Variants in KIF5B observed in about 807,000 individuals in gnomAD.
KIF5B encodes kinesin family member 5B.
Under a neutral mutation model 132.8 loss-of-function variants are expected in KIF5B, and 49 were observed. That is an observed-to-expected ratio of 0.37 (90% CI 0.29 to 0.47). KIF5B has a LOEUF of 0.47. Among genes scored for constraint, KIF5B ranks in the 20% least tolerant of loss-of-function variants. The pLI, the probability that KIF5B is intolerant of heterozygous loss-of-function variation, is 1.00. For synonymous variants in KIF5B, 355 were observed against 369.4 expected (o/e 0.96, Z 0.45); for missense variants, 780 against 1,144.0 (o/e 0.68, Z 4.59).
rs1169502375 is a variant in KIF5B at position 32,019,914 on chromosome 10, T to C, written c.2250A>G (p.Glu750=). 1.9e-6 allele frequency: 3 copies of C among 1,612,732 alleles called. No homozygotes were observed. In the South Asian group the frequency reaches 3.3e-5, roughly 18 times the overall value. ...GATCTGTGGCTTTCAACTTCTCATG[T>C]TCTACTCTTAGACGTTCCTGCTCTA... The part of the protein sequence containing the change: ...MMLEQERLRV[E]HEKLKATDQE... Residue 750 remains glutamate, a synonymous_variant, in exon 20 of 26, where the codon GAA becomes GAG. Coordinates refer to ENST00000302418, the MANE Select transcript of KIF5B (RefSeq NM_004521.3).
rs1217348512 is a variant in KIF5B at position 32,056,204 on chromosome 10, GGCGGCA to G, written c.-237_-232del. 11 of 506,248 alleles carry G rather than the reference GGCGGCA, an allele frequency of 2.2e-5. No homozygotes were observed. The highest frequency in any genetic ancestry group is 4.1e-5 in the African/African-American group (2 of 48,232). 31.4% of individuals were successfully genotyped at this position (506,248 alleles called of 1,614,324 possible). On this transcript the variant is annotated 5_prime_UTR_variant, in exon 1 of 26. Coordinates refer to ENST00000302418, the MANE Select transcript of KIF5B (RefSeq NM_004521.3). ...TCCGATCCATCATGGCAGCCATGGC[GGCGGCA>G]GCGGCGGCGGCACCGGGGAGAGCGT...
At chr10:32,025,288 CAT>C (rs1592442592) in intron 15 of KIF5B, among the ~76,000 whole-genome samples, 1 of 152,214 alleles carries the variant, frequency 6.6e-6, no homozygotes, top group Admixed American at 6.5e-5. Flanking sequence ...ACAAAGCTAA[CAT>C]AGTCATAACG....
In KIF5B at chr10:32,021,234, C is replaced by T. The variant is rs780065320; in HGVS notation, c.2086G>A (p.Glu696Lys). 6.2e-7 allele frequency: 1 copy of T among 1,612,986 alleles called. No individual in the cohort carries two copies. Among genetic ancestry groups the T allele is most frequent in the South Asian group, 1.1e-5 (1 of 91,032 alleles). Residue 696 changes from glutamate to lysine, a missense_variant, in exon 18 of 26, where the codon GAA becomes AAA. By Grantham distance (56) the Glu-to-Lys change is moderately conservative (BLOSUM62 1). Coordinates refer to ENST00000302418, the MANE Select transcript of KIF5B (RefSeq NM_004521.3). ...TGTGACATCAAACTTGCCTTAACTT[C>T]ATTTGCAGTCTGAACCTTATTTAAG... The part of the protein sequence containing the change: ...EHLNKVQTAN[E>K]VKQAVEQQIQ...
chr10:32,030,515 CAA>C (rs36044885), intron 14 of KIF5B, among the ~76,000 whole-genome samples: 26 of 122,472 alleles, frequency 2.1e-4, no homozygotes, highest in South Asian at 2.6e-4. Context: ...AACTTTGTCT[CAA>C]AAAAAAAAAA....
chr10:32,037,741 G>A (rs939895914), intron 6 of KIF5B, 134 bp from the exon 7 acceptor site: 8 of 641,544 alleles, frequency 1.2e-5, no homozygotes, highest in Admixed American at 2.7e-5. Context: ...GCTGAGGCAG[G>A]AGAATCGCTT....
chr10:32,014,162 C>G (rs1841124714), intron 25 of KIF5B, among the ~76,000 whole-genome samples: 1 of 152,132 alleles, frequency 6.6e-6, no homozygotes, highest in African/African-American at 2.4e-5. Flanking sequence ...AATTATTAGG[C>G]AACCACTAAC....
intron 1 of KIF5B, among the ~76,000 whole-genome samples, chr10:32,055,123 A>G (rs1266581711): frequency 6.6e-6 from 1 of 152,168 alleles, no homozygotes; most frequent in Non-Finnish European, 1.5e-5. Flanking sequence ...CGGAGCACTT[A>G]TCTGACCCAA....
Position 32,024,303 on chromosome 10 carries a change from C to T in KIF5B, c.1726-1267G>A, listed in dbSNP as rs565912368. Among the ~76,000 whole-genome samples, 53 of 145,358 alleles carry T rather than the reference C, an allele frequency of 3.6e-4. No homozygotes were observed. In the East Asian group the frequency reaches 1.0e-2, roughly 27 times the overall value. On this transcript the variant is annotated intron_variant, in intron 15 of 25. Coordinates refer to ENST00000302418, the MANE Select transcript of KIF5B (RefSeq NM_004521.3). The stretch of plus-strand genomic sequence containing the variant: ...CCAAGTAGCTGGGACTACAGGCGCC[C>T]GCCACTACGCCCGGCTAATTTTTTG...
At chr10:32,030,663 TG>T (rs1257934791) in intron 14 of KIF5B, among the ~76,000 whole-genome samples, 3 of 152,256 alleles carry the variant, frequency 2.0e-5, no homozygotes, top group African/African-American at 7.2e-5. Flanking sequence ...AATTCACAGT[TG>T]ATTAAATAGC....
intron 13 of KIF5B, 113 bp from the exon 14 acceptor site, chr10:32,031,392 G>A (rs1263370940): frequency 1.3e-6 from 1 of 753,336 alleles, no homozygotes; most frequent in Non-Finnish European, 2.2e-6. Context: ...ATGGTATTCA[G>A]TGTGGCAACA....
At chr10:32,024,146 C>CCTTTTTTT (rs1554800857) in intron 15 of KIF5B, among the ~76,000 whole-genome samples, 2 of 69,740 alleles carry the variant, frequency 2.9e-5, no homozygotes, top group Admixed American at 2.1e-4. Flanking sequence ...ATGAAGAACT[C>CCTTTTTTT]TTTTTTTTTT....
intron 8 of KIF5B, among the ~76,000 whole-genome samples, chr10:32,036,705 C>T (rs1026543112): frequency 6.6e-6 from 1 of 152,114 alleles, no homozygotes; most frequent in Non-Finnish European, 1.5e-5. Flanking sequence ...CAGAGTAGAA[C>T]GGAATAGATA....
intron 17 of KIF5B, 31 bp from the exon 18 acceptor site, chr10:32,021,318 A>C: frequency 6.6e-7 from 1 of 1,508,914 alleles, no homozygotes; most frequent in Non-Finnish European, 9.2e-7. Context: ...TAGAAGAGTG[A>C]AATAAGCCTT....
chr10:32,028,673 C>A, intron 14 of KIF5B, 102 bp from the exon 15 acceptor site: 2 of 961,646 alleles, frequency 2.1e-6, no homozygotes, highest in East Asian at 2.5e-5. Context: ...CCTTACGAAA[C>A]CATGTCTTTT....
chr10:32,021,986 A>C (rs1021210037), intron 17 of KIF5B, among the ~76,000 whole-genome samples, 154 bp downstream of exon 17: 7 of 152,182 alleles, frequency 4.6e-5, no homozygotes, highest in African/African-American at 9.7e-5. Context: ...ACAACAACAA[A>C]AAAATGTTTC....
At chr10:32,034,899 T>C (rs1322028495) in intron 10 of KIF5B, 61 bp from the exon 11 acceptor site, 3 of 1,272,046 alleles carry the variant, frequency 2.4e-6, no homozygotes, top group African/African-American at 3.1e-5. Context: ...ATTTTATCTA[T>C]ATGGAATATA....
At chr10:32,039,264 C>T in intron 4 of KIF5B, 63 bp downstream of exon 4, 1 of 643,416 alleles carries the variant, frequency 1.6e-6, no homozygotes, top group South Asian at 2.1e-5. Flanking sequence ...CCAGCATTTA[C>T]TATTTTTTTA....
intron 1 of KIF5B, among the ~76,000 whole-genome samples, chr10:32,049,521 G>C (rs982731009): frequency 6.6e-6 from 1 of 152,164 alleles, no homozygotes; most frequent in Non-Finnish European, 1.5e-5. Flanking sequence ...AAGGCAGAAA[G>C]AACAGTGTAG....
At position 32,054,848 on chromosome 10, in the gene KIF5B, T is replaced by C. The variant is rs551354897; in HGVS notation, c.126+1000A>G. ...ATCAGACCTTTAAAAACCCTCACAT[T>C]CTGGTCTCACTGATAATGATCACTC... On this transcript the variant is annotated intron_variant, in intron 1 of 25. Coordinates refer to ENST00000302418, the MANE Select transcript of KIF5B (RefSeq NM_004521.3). Among the ~76,000 whole-genome samples, 3 of 152,286 alleles carry C rather than the reference T, an allele frequency of 2.0e-5. No homozygotes were observed. In the South Asian group the frequency reaches 6.2e-4, roughly 32 times the overall value.
Sources: allele counts gnomAD v4.1 joint callset (sites outside exome capture counted in the v4.1 genomes callset), GRCh38; gene constraint gnomAD v4.1.1; transcripts MANE v1.5; gene names NCBI Gene and HGNC (gene_info 2026-07-23, HGNC 2026-07-21).